The following DGKB variants were observed in gnomAD, a reference collection of about 807,000 sequenced individuals.
The protein encoded by DGKB is diacylglycerol kinase beta.
Under a neutral mutation model 114.3 loss-of-function variants are expected in DGKB, and 67 were observed. That is an observed-to-expected ratio of 0.59 (90% confidence interval 0.48 to 0.72). The LOEUF is 0.72. Among genes scored for constraint, DGKB ranks in the 30% least tolerant of loss-of-function variants. The pLI is 0.00. For synonymous variants in DGKB, 398 were observed against 323.1 expected (o/e 1.23, Z -2.49); for missense variants, 907 against 975.2 (o/e 0.93, Z 0.93).
At chr7:14,433,594 A>G (rs898108713) in intron 21 of DGKB, among the ~76,000 whole-genome samples, 8 of 152,148 alleles carry the variant, frequency 5.3e-5, no homozygotes, top group African/African-American at 1.9e-4. Flanking sequence ...ATTAAATCAT[A>G]TATTTAAAGC....
chr7:14,628,661 T>G (rs541325005), intron 14 of DGKB, among the ~76,000 whole-genome samples: 9 of 152,154 alleles, frequency 5.9e-5, no homozygotes, highest in Non-Finnish European at 1.2e-4. Context: ...TTTAACCACA[T>G]TTTCCGTTAA....
At position 14,843,438 on chromosome 7, in the gene DGKB, C is replaced by T. The variant is rs374283888; in HGVS notation, c.-187-1988G>A. Among the ~76,000 whole-genome samples, 154 of 143,806 alleles carry T rather than the reference C, an allele frequency of 1.1e-3. 2 individuals carry two copies. The South Asian group carries it at 0.033, about 31-fold the overall frequency. The allele number at this position is 143,806 out of a possible 152,430, so 94.3% of individuals were successfully genotyped here. On this transcript the variant is annotated intron_variant, in intron 1 of 25. Coordinates refer to ENST00000402815, the MANE Select transcript of DGKB (RefSeq NM_001350709.2). ...CAAGCTCCGCTTCCCGGGTTCACGC[C>T]ATTCTCCTGCCTCAGCCTCCCGAGT...
At chr7:14,200,088 A>T (rs1451713005) in intron 23 of DGKB, among the ~76,000 whole-genome samples, 1 of 152,060 alleles carries the variant, frequency 6.6e-6, no homozygotes, top group Non-Finnish European at 1.5e-5. Flanking sequence ...CATAGAGGTC[A>T]TTCTGGTTAA....
At chr7:14,925,066 C>T (rs1291390731) in intron 1 of DGKB, among the ~76,000 whole-genome samples, 1 of 152,144 alleles carries the variant, frequency 6.6e-6, no homozygotes, top group Non-Finnish European at 1.5e-5. Context: ...CACTACAATT[C>T]TCTATAGATT....
intron 21 of DGKB, among the ~76,000 whole-genome samples, chr7:14,380,072 G>T (rs1025033379): frequency 6.6e-6 from 1 of 152,142 alleles, no homozygotes; most frequent in Non-Finnish European, 1.5e-5. Flanking sequence ...GGCAATTATA[G>T]TTATGTCCCC....
At position 14,753,968 on chromosome 7, in the gene DGKB, A is replaced by T; in HGVS notation, c.148-20T>A. The T allele has an allele frequency of 6.7e-7, 1 of 1,487,520 alleles. No individual in the cohort carries two copies. The highest frequency in any genetic ancestry group is 9.2e-7 in the Non-Finnish European group (1 of 1,082,386). The allele number at this position is 1,487,520 out of a possible 1,614,324, so 92.1% of individuals were successfully genotyped here. On this transcript the variant is annotated intron_variant, in intron 3 of 25. Transcript: ENST00000402815. ...TTGTTTCTGTGCATGCAAGGAAAGA[A>T]AGAATACATGTGTTAATGTAAGATA...
At chr7:14,750,793 CTTTTTTTTTT>C (rs1016534410) in intron 4 of DGKB, among the ~76,000 whole-genome samples, 7 of 89,564 alleles carry the variant, frequency 7.8e-5, no homozygotes, top group African/African-American at 2.6e-4. Context: ...ATTTCTATTT[CTTTTTTTTTT>C]TTTTTTTTTT....
intron 23 of DGKB, among the ~76,000 whole-genome samples, chr7:14,211,530 GAT>G (rs1787911000): frequency 4.8e-5 from 1 of 20,650 alleles, no homozygotes; most frequent in African/African-American, 4.3e-4. Flanking sequence ...CATGTTTTGT[GAT>G]TTTACTCTCA....
intron 20 of DGKB, among the ~76,000 whole-genome samples, chr7:14,490,912 C>T (rs1402520924): frequency 1.3e-5 from 2 of 151,090 alleles, no homozygotes; most frequent in African/African-American, 4.9e-5. Context: ...AAAGGATTTT[C>T]TGGTAAATTA....
upstream of DGKB, among the ~76,000 whole-genome samples, chr7:14,908,328 G>T (rs1783816245): frequency 6.6e-6 from 1 of 152,154 alleles, no homozygotes; most frequent in Non-Finnish European, 1.5e-5. Context: ...CCATTTAGGT[G>T]TCTCTACATT....
intron 25 of DGKB, among the ~76,000 whole-genome samples, chr7:14,164,076 A>G (rs1784304590): frequency 6.6e-6 from 1 of 152,184 alleles, no homozygotes; most frequent in African/African-American, 2.4e-5. Flanking sequence ...TGTAGTATTT[A>G]TTTCTTTAAC....
At chr7:14,788,912 T>C (rs1312388328) in intron 2 of DGKB, among the ~76,000 whole-genome samples, 2 of 151,920 alleles carry the variant, frequency 1.3e-5, no homozygotes, top group Admixed American at 1.3e-4. Flanking sequence ...GAAAATACAA[T>C]AGCAGTCTTC....
At chr7:14,200,331 T>C (rs897152528) in intron 23 of DGKB, among the ~76,000 whole-genome samples, 1 of 152,026 alleles carries the variant, frequency 6.6e-6, no homozygotes, top group Non-Finnish European at 1.5e-5. Flanking sequence ...TAAAAAATGA[T>C]ACCTATCACT....
At chr7:14,524,024 C>T (rs879477308) in intron 20 of DGKB, among the ~76,000 whole-genome samples, 12 of 152,252 alleles carry the variant, frequency 7.9e-5, no homozygotes, top group Admixed American at 6.5e-4. Context: ...GATCGAGACA[C>T]ACGGGCATAT....
At position 14,523,373 on chromosome 7, in the gene DGKB, G is replaced by A. The variant is rs190340616; in HGVS notation, c.1771-45148C>T. Among the ~76,000 whole-genome samples, 537 of 152,224 alleles carry A rather than the reference G, an allele frequency of 3.5e-3. 4 individuals are homozygous for A. Among genetic ancestry groups the A allele is most frequent in the African/African-American group, 0.012 (507 of 41,544 alleles). ...AATGACTACATTATTTCCAATAGCT[G>A]GTATGAGCCATAGCCATGCATGCTC... On this transcript the variant is annotated intron_variant, in intron 20 of 25. Coordinates refer to ENST00000402815, the MANE Select transcript of DGKB (RefSeq NM_001350709.2).
intron 23 of DGKB, among the ~76,000 whole-genome samples, chr7:14,297,738 T>A (rs1361816523): frequency 2.0e-5 from 3 of 152,114 alleles, no homozygotes; most frequent in Non-Finnish European, 2.9e-5. Context: ...TAAAGGGTAT[T>A]CAGATAGGAA....
intron 20 of DGKB, among the ~76,000 whole-genome samples, chr7:14,552,871 A>G (rs1161515591): frequency 1.3e-5 from 2 of 152,248 alleles, no homozygotes; most frequent in African/African-American, 4.8e-5. Flanking sequence ...GGACAAGAAC[A>G]TGATAAGGCA....
At chr7:14,777,461 G>A (rs370465770) in intron 2 of DGKB, among the ~76,000 whole-genome samples, 47 of 152,246 alleles carry the variant, frequency 3.1e-4, no homozygotes, top group Middle Eastern at 6.8e-3. Flanking sequence ...CTGGTGGGAG[G>A]TAACTGAATC....
chr7:14,527,065 AC>A (rs1790767750), intron 20 of DGKB, among the ~76,000 whole-genome samples: 1 of 152,150 alleles, frequency 6.6e-6, no homozygotes. Flanking sequence ...CTTTGAATTT[AC>A]TGTCATATTT....
Sources: allele counts gnomAD v4.1 joint callset (sites outside exome capture counted in the v4.1 genomes callset), GRCh38; gene constraint gnomAD v4.1.1; transcripts MANE v1.5; gene names NCBI Gene and HGNC (gene_info 2026-07-23, HGNC 2026-07-21).